STK32A: variants seen among roughly 807,000 people sequenced by gnomAD.
STK32A encodes serine/threonine-protein kinase 32A.
STK32A carries 41 observed loss-of-function variants against 53.2 expected under a neutral mutation model. The ratio of observed to expected loss-of-function variants is 0.77; its 90% confidence interval spans 0.60 to 1.00. The LOEUF (loss-of-function observed/expected upper bound fraction) is 1.00. Among genes scored for constraint, STK32A ranks in the 50% least tolerant of loss-of-function variants. The pLI, the probability that STK32A is intolerant of heterozygous loss-of-function variation, is 0.00. For missense variants in STK32A, 458 were observed against 485.8 expected (o/e 0.94, Z 0.54); for synonymous variants, 166 against 162.8 (o/e 1.02, Z -0.15).
chr5:147,336,926 A>G (rs1488370162), intron 5 of STK32A, among the ~76,000 whole-genome samples: 2 of 152,216 alleles, frequency 1.3e-5, no homozygotes, highest in Non-Finnish European at 2.9e-5. Context: ...TCAAAAGGCC[A>G]TGGGACACTG....
intron 1 of STK32A, among the ~76,000 whole-genome samples, chr5:147,236,111 T>C (rs1753305808): frequency 1.3e-5 from 2 of 152,166 alleles, no homozygotes; most frequent in South Asian, 4.1e-4. Flanking sequence ...TGTTTTCCAA[T>C]CCTAGAAGAC....
At chr5:147,390,935 G>C (rs75982120), downstream of STK32A, 1 of 152,718 alleles carries the variant, frequency 6.5e-6, no homozygotes, top group African/African-American at 2.4e-5. Flanking sequence ...AGCTCTTCAC[G>C]TTCCAGAGCT....
At chr5:147,311,991 AG>A (rs770634398) in intron 4 of STK32A, among the ~76,000 whole-genome samples, 1 of 152,234 alleles carries the variant, frequency 6.6e-6, no homozygotes, top group Non-Finnish European at 1.5e-5. Flanking sequence ...TTTGTCAAGG[AG>A]AGGCCAGGAA....
Position 147,374,461 on chromosome 5 carries a change from C to A in STK32A, c.904-629C>A, listed in dbSNP as rs144371652. Among the ~76,000 whole-genome samples, 102 of 152,116 alleles carry A rather than the reference C, an allele frequency of 6.7e-4. 1 individual carries two copies. The highest frequency in any genetic ancestry group is 2.4e-3 in the African/African-American group (99 of 41,478). On this transcript the variant is annotated intron_variant, in intron 10 of 12. Coordinates refer to ENST00000397936, the MANE Select transcript of STK32A (RefSeq NM_001112724.2). The stretch of plus-strand genomic sequence containing the variant: ...GGTGGAATTGTACCTTATGGAGCAA[C>A]AGGAGGGTAGGTCTGAGTTCTTACC...
chr5:147,356,296 A>G (rs528186305), intron 7 of STK32A, among the ~76,000 whole-genome samples: 2 of 152,334 alleles, frequency 1.3e-5, no homozygotes, highest in African/African-American at 4.8e-5. Context: ...GCACTGTTGT[A>G]ACTGCATGCA....
intron 4 of STK32A, among the ~76,000 whole-genome samples, chr5:147,292,384 A>G (rs568885925): frequency 7.6e-4 from 116 of 152,356 alleles, no homozygotes; most frequent in African/African-American, 2.6e-3. Context: ...ATTGCCATAA[A>G]TAAAGAGTAT....
At chr5:147,273,703 T>A (rs957613421) in intron 2 of STK32A, among the ~76,000 whole-genome samples, 5 of 152,230 alleles carry the variant, frequency 3.3e-5, no homozygotes, top group African/African-American at 1.2e-4. Context: ...GATAGAATTG[T>A]CTGTTGGACT....
chr5:147,283,405 C>T (rs1752159821), intron 4 of STK32A, among the ~76,000 whole-genome samples: 1 of 150,514 alleles, frequency 6.6e-6, no homozygotes, highest in African/African-American at 2.4e-5. Context: ...AAGAATAAAC[C>T]AAACCCAAAC....
chr5:147,379,582 A>G (rs1757374583), intron 11 of STK32A, among the ~76,000 whole-genome samples: 1 of 151,922 alleles, frequency 6.6e-6, no homozygotes, highest in Non-Finnish European at 1.5e-5. Flanking sequence ...TTTTATGCTC[A>G]TGTCAGATGC....
chr5:147,360,343 T>C (rs2151997609), intron 7 of STK32A, among the ~76,000 whole-genome samples: 1 of 149,710 alleles, frequency 6.7e-6, no homozygotes, highest in East Asian at 2.0e-4. Context: ...CCCAGCTACT[T>C]GGGAGGCCAA....
chr5:147,384,177 A>G lies in STK32A; in HGVS notation c.*194A>G. ...GCTCCTGGGATGTCATTTCACATCA[A>G]TCAACTGTGTGATCTAGAGCAAGTC... On this transcript the variant is annotated 3_prime_UTR_variant, in exon 13 of 13. Coordinates refer to ENST00000397936, the MANE Select transcript of STK32A (RefSeq NM_001112724.2). 1.4e-6 allele frequency: 2 copies of G among 1,435,028 alleles called. No individual in the cohort carries two copies. The highest frequency in any genetic ancestry group is 1.8e-6 in the Non-Finnish European group (2 of 1,106,370). The allele number at this position is 1,435,028 out of a possible 1,614,324, so 88.9% of individuals were successfully genotyped here. A position where few individuals can be genotyped will look rare whatever the true frequency, so the allele number is the denominator to read the frequency against.
intron 4 of STK32A, among the ~76,000 whole-genome samples, chr5:147,314,034 C>T (rs1272862486): frequency 6.6e-6 from 1 of 151,642 alleles, no homozygotes; most frequent in African/African-American, 2.4e-5. Context: ...AGATATGACC[C>T]CAAAAGAACA....
intron 5 of STK32A, among the ~76,000 whole-genome samples, chr5:147,340,175 G>A (rs141142516): frequency 8.5e-5 from 13 of 152,250 alleles, no homozygotes; most frequent in African/African-American, 2.9e-4. Flanking sequence ...CTTGGTTTTG[G>A]CCAGCTTCTT....
intron 2 of STK32A, among the ~76,000 whole-genome samples, chr5:147,273,890 C>T (rs1755148794): frequency 6.6e-6 from 1 of 152,040 alleles, no homozygotes; most frequent in African/African-American, 2.4e-5. Context: ...AGCCTGAGTA[C>T]CCTCAACTGT....
intron 8 of STK32A, among the ~76,000 whole-genome samples, chr5:147,364,494 C>G (rs985949917): frequency 2.0e-5 from 3 of 152,170 alleles, no homozygotes; most frequent in African/African-American, 7.2e-5. Flanking sequence ...GGCATTTGTT[C>G]CAGCAGCATT....
At chr5:147,390,677 T>C (rs1757774581), downstream of STK32A, 1 of 152,144 alleles carries the variant, frequency 6.6e-6, no homozygotes, top group Admixed American at 6.5e-5. Flanking sequence ...AAGCCCCCAA[T>C]TTTTCTCCAG....
downstream of STK32A, chr5:147,391,117 AGCCTGGGAAGCTTG>A (rs1757786998): frequency 6.6e-6 from 1 of 152,582 alleles, no homozygotes; most frequent in South Asian, 2.1e-4. Context: ...CAGGGGAGAA[AGCCTGGGAAGCTTG>A]TGGCAAGGAA....
At chr5:147,315,832 C>T (rs1199997621) in intron 4 of STK32A, among the ~76,000 whole-genome samples, 1 of 152,124 alleles carries the variant, frequency 6.6e-6, no homozygotes, top group African/African-American at 2.4e-5. Flanking sequence ...TCTCAGTATA[C>T]CTTGTTTTTC....
At chr5:147,396,546 G>A in the STK32A span, among the ~76,000 whole-genome samples, 2 of 152,150 alleles carry the variant, frequency 1.3e-5, no homozygotes, top group Admixed American at 6.5e-5. Flanking sequence ...ATCACAAGAA[G>A]TCCTGTCAGA....
Sources: gnomAD v4.1 joint callset for allele counts (sites outside exome capture counted in the v4.1 genomes callset) on GRCh38, gnomAD v4.1.1 for gene constraint, MANE v1.5 for transcripts, NCBI Gene and HGNC (gene_info 2026-07-23, HGNC 2026-07-21) for gene names.